Variants in CDH13 observed in about 807,000 individuals in gnomAD.
The protein encoded by CDH13 is cadherin 13, also known as cadherin-13.
In CDH13, 24 loss-of-function variants were observed where a neutral mutation model predicts 63.8. The observed-to-expected ratio is 0.38, with a 90% CI of 0.27 to 0.53. The LOEUF (loss-of-function observed/expected upper bound fraction) is 0.53, where lower values mean the gene tolerates loss of function less well. CDH13 is among the 20% of genes least tolerant of loss of function. The pLI is 0.85. For missense variants in CDH13, 1,049 were observed against 903.1 expected, an observed-to-expected ratio of 1.16 and a Z score of -2.07; for synonymous variants, 503 against 355.3, an observed-to-expected ratio of 1.42 and a Z score of -4.67.
intron 5 of CDH13, among the ~76,000 whole-genome samples, chr16:83,318,756 G>A (rs1036610410): frequency 3.3e-5 from 5 of 152,240 alleles, no homozygotes; most frequent in Admixed American, 6.5e-5. Flanking sequence ...AACAAATGGC[G>A]AGGCACTGGT....
intron 7 of CDH13, among the ~76,000 whole-genome samples, chr16:83,494,840 C>T (rs1368913864): frequency 6.6e-6 from 1 of 152,158 alleles, no homozygotes; most frequent in Non-Finnish European, 1.5e-5. Context: ...AGGATAAAAG[C>T]TTGTTGATCG....
chr16:83,099,922 G>T (rs866516846), intron 3 of CDH13, among the ~76,000 whole-genome samples: 4 of 152,118 alleles, frequency 2.6e-5, no homozygotes, highest in Non-Finnish European at 5.9e-5. Context: ...GTTCCCACTT[G>T]GTTCATTCAA....
intron 6 of CDH13, among the ~76,000 whole-genome samples, chr16:83,478,298 C>T (rs532000494): frequency 2.0e-5 from 3 of 152,296 alleles, no homozygotes; most frequent in South Asian, 4.1e-4. Context: ...CCACCTCTCC[C>T]GGTTGCCTTG....
At chr16:82,799,458 C>T (rs564273952) in intron 1 of CDH13, among the ~76,000 whole-genome samples, 1 of 152,316 alleles carries the variant, frequency 6.6e-6, no homozygotes, top group East Asian at 1.9e-4. Context: ...GCTTTGAAAG[C>T]TCATCAGCTT....
chr16:83,227,425 G>C (rs28376736), intron 5 of CDH13, among the ~76,000 whole-genome samples: 2 of 152,112 alleles, frequency 1.3e-5, no homozygotes, highest in Admixed American at 6.5e-5. Flanking sequence ...AATACCTGGG[G>C]AATAATGTTG....
intron 5 of CDH13, among the ~76,000 whole-genome samples, chr16:83,334,260 CTGTT>C (rs1181203094): frequency 3.3e-5 from 5 of 151,786 alleles, no homozygotes; most frequent in African/African-American, 1.2e-4. Context: ...GTCTCTCTCT[CTGTT>C]TCTCTCTTTC....
rs1909759196 is a variant in CDH13, at chr16:82,644,025, A to G, written c.45+16888A>G. 6.6e-6 allele frequency among the ~76,000 whole-genome samples: 1 copy of G among 152,064 alleles called. No homozygotes were observed. The highest frequency in any genetic ancestry group is 1.5e-5 in the Non-Finnish European group (1 of 68,010). On this transcript the variant is annotated intron_variant, in intron 1 of 13. Transcript: ENST00000567109. The surrounding 1 kb of genome is among the most constrained non-coding windows in gnomAD (Gnocchi z 5.7). ...GTAGCTGGCATTACAGGCTTGGCTG[A>G]CTTTTAAAAGTAGTAAGTGGTTTAG...
chr16:83,097,858 A>T (rs559949177), intron 3 of CDH13, among the ~76,000 whole-genome samples: 32 of 152,334 alleles, frequency 2.1e-4, no homozygotes, highest in Middle Eastern at 6.8e-3. Context: ...AGTAGACCAC[A>T]TTCCACAAAG....
chr16:82,756,940 T>A (rs1597485348), intron 1 of CDH13, among the ~76,000 whole-genome samples: 1 of 152,220 alleles, frequency 6.6e-6, no homozygotes, highest in African/African-American at 2.4e-5. Flanking sequence ...CTCTTGTCCC[T>A]TGCTACATCC....
Position 83,214,866 on chromosome 16 carries a change from A to T in CDH13, c.484-2479A>T, listed in dbSNP as rs572492327. 3.9e-5 allele frequency among the ~76,000 whole-genome samples: 6 copies of T among 151,992 alleles called. No individual in the cohort carries two copies. In the East Asian group the frequency reaches 1.2e-3, roughly 30 times the overall value. ...ACAGTGGATCACTGGGAAAGCTAGG[A>T]TTGCAACATATAGCTGTCTAATCCG... On this transcript the variant is annotated intron_variant, in intron 4 of 13. Transcript: ENST00000567109.
intron 3 of CDH13, among the ~76,000 whole-genome samples, chr16:83,115,282 C>G (rs557927844): frequency 2.0e-5 from 3 of 152,190 alleles, no homozygotes; most frequent in Non-Finnish European, 4.4e-5. Context: ...GTTCTGCCAG[C>G]AAGTCGTTGA....
chr16:82,793,726 T>A (rs925072926), intron 1 of CDH13, among the ~76,000 whole-genome samples: 7 of 152,140 alleles, frequency 4.6e-5, no homozygotes, highest in African/African-American at 1.7e-4. Flanking sequence ...CTGCTCGAGA[T>A]GCTTGCAATC....
At chr16:83,531,917 A>G (rs1225428191) in intron 7 of CDH13, among the ~76,000 whole-genome samples, 1 of 152,180 alleles carries the variant, frequency 6.6e-6, no homozygotes, top group Admixed American at 6.5e-5. Context: ...GATATGGTTT[A>G]GCTGTGTCCC....
intron 4 of CDH13, among the ~76,000 whole-genome samples, chr16:83,195,550 ACT>A (rs2038853745): frequency 6.6e-6 from 1 of 151,934 alleles, no homozygotes; most frequent in Admixed American, 6.6e-5. Flanking sequence ...TCTCCTGAGA[ACT>A]CTATCACGAG....
chr16:83,685,761 C>T (rs1157492320), intron 10 of CDH13, among the ~76,000 whole-genome samples: 1 of 152,152 alleles, frequency 6.6e-6, no homozygotes, highest in Non-Finnish European at 1.5e-5. Context: ...TTGCTTCTTC[C>T]CCTGCACCAT....
At chr16:82,862,262 A>T (rs965743550) in intron 2 of CDH13, among the ~76,000 whole-genome samples, 2 of 152,216 alleles carry the variant, frequency 1.3e-5, no homozygotes, top group African/African-American at 4.8e-5. Context: ...GAAGATCCCC[A>T]GTCTTAGAAG....
chr16:83,558,633 T>A (rs1241788940), intron 7 of CDH13, among the ~76,000 whole-genome samples: 1 of 123,164 alleles, frequency 8.1e-6, no homozygotes, highest in African/African-American at 3.8e-5. Context: ...AAGTGGAACT[T>A]TTTTTCCCTT....
intron 3 of CDH13, among the ~76,000 whole-genome samples, chr16:83,036,303 C>T (rs374026102): frequency 1.3e-5 from 2 of 152,018 alleles, no homozygotes; most frequent in African/African-American, 4.8e-5. Context: ...GCACCCACCA[C>T]CACACCTGGC....
chr16:82,897,842 A>C (rs978071550), intron 2 of CDH13, among the ~76,000 whole-genome samples: 6 of 152,230 alleles, frequency 3.9e-5, no homozygotes, highest in African/African-American at 1.4e-4. Flanking sequence ...TCATTTCTTT[A>C]TTCATTCATT....
Sources: gnomAD v4.1 joint callset for allele counts (sites outside exome capture counted in the v4.1 genomes callset) on GRCh38, gnomAD v4.1.1 for gene constraint, Gnocchi (gnomAD v3.1) non-coding constraint, MANE v1.5 for transcripts, NCBI Gene and HGNC (gene_info 2026-07-23, HGNC 2026-07-21) for gene names.